The following MME variants were observed in gnomAD, a reference collection of about 807,000 sequenced individuals.
The protein encoded by MME is neprilysin.
In MME, 98 loss-of-function variants were observed where a neutral mutation model predicts 113.2. That is an observed-to-expected ratio of 0.87 (90% CI 0.74 to 1.02). The LOEUF (loss-of-function observed/expected upper bound fraction) is 1.02. MME is among the 50% of genes least tolerant of loss of function. MME has a pLI of 0.00. For synonymous variants in MME, 292 were observed against 300.6 expected, an observed-to-expected ratio of 0.97 and a Z score of 0.30; for missense variants, 836 against 896.0, an observed-to-expected ratio of 0.93 and a Z score of 0.86.
chr3:155,033,557 A>C (rs1414403745), intron 1 of MME, among the ~76,000 whole-genome samples: 1 of 152,194 alleles, frequency 6.6e-6, no homozygotes, highest in Non-Finnish European at 1.5e-5. Flanking sequence ...TGGTTAGATG[A>C]GAATATCAAC....
chr3:155,062,983 C>T (rs1225099969), intron 1 of MME, among the ~76,000 whole-genome samples: 15 of 139,288 alleles, frequency 1.1e-4, no homozygotes, highest in African/African-American at 2.4e-4. Flanking sequence ...TGCAGTGAGC[C>T]GAGATAGTGC....
intron 22 of MME, among the ~76,000 whole-genome samples, chr3:155,178,747 T>C (rs1052892470): frequency 2.0e-5 from 3 of 152,220 alleles, no homozygotes; most frequent in Non-Finnish European, 2.9e-5. Context: ...CTATACTTTG[T>C]CACCTCTAGA....
chr3:155,115,857 C>A (rs151085036), intron 4 of MME, among the ~76,000 whole-genome samples: 16 of 152,316 alleles, frequency 1.1e-4, no homozygotes, highest in African/African-American at 3.8e-4. Flanking sequence ...TTTGCCTTCC[C>A]AGCACAGGTA....
At chr3:155,104,633 A>AAC (rs538591500) in intron 3 of MME, among the ~76,000 whole-genome samples, 200 of 152,338 alleles carry the variant, frequency 1.3e-3, no homozygotes, top group African/African-American at 4.2e-3. Flanking sequence ...GATCCAAAAT[A>AAC]ACACAATGTT....
chr3:155,039,618 G>GT (rs1318054256), intron 1 of MME, among the ~76,000 whole-genome samples: 1 of 152,072 alleles, frequency 6.6e-6, no homozygotes, highest in East Asian at 1.9e-4. Context: ...AATCATAGTA[G>GT]TGTATCAAAG....
At chr3:155,106,049 T>C (rs1441221839) in intron 3 of MME, among the ~76,000 whole-genome samples, 1 of 152,212 alleles carries the variant, frequency 6.6e-6, no homozygotes, top group African/African-American at 2.4e-5. Flanking sequence ...GTCACATGTA[T>C]ATATGAAATA....
chr3:155,061,746 C>G (rs908147991), intron 1 of MME, among the ~76,000 whole-genome samples: 1 of 149,428 alleles, frequency 6.7e-6, no homozygotes, highest in Admixed American at 6.7e-5. Context: ...ACTGCAAACT[C>G]TGCCTCATGG....
chr3:155,116,126 G>A (rs563256179), intron 4 of MME, among the ~76,000 whole-genome samples: 2 of 146,342 alleles, frequency 1.4e-5, no homozygotes, highest in East Asian at 4.0e-4. Flanking sequence ...CTGTGTTATT[G>A]TTTTTTTTTA....
chr3:155,079,410 C>G (rs968092039), upstream of MME, among the ~76,000 whole-genome samples: 2 of 152,014 alleles, frequency 1.3e-5, no homozygotes, highest in South Asian at 2.1e-4. Context: ...CTTGAAAGCC[C>G]CGAAGCTAAG....
At chr3:155,180,337 G>A (rs1457622689) in intron 22 of MME, 23 bp from the exon 23 acceptor site, 1 of 1,587,466 alleles carries the variant, frequency 6.3e-7, no homozygotes, top group South Asian at 1.1e-5. Flanking sequence ...TGCTGACGGT[G>A]ACTTTTTTTG....
At chr3:155,160,489 C>T (rs200328192) in intron 17 of MME, 41 bp downstream of exon 17, 7 of 1,346,832 alleles carry the variant, frequency 5.2e-6, no homozygotes, top group African/African-American at 1.4e-5. Context: ...ATTTCTCTAT[C>T]GTTCCCAACC....
intron 17 of MME, among the ~76,000 whole-genome samples, chr3:155,166,413 C>T (rs2108361764): frequency 6.6e-6 from 1 of 152,148 alleles, no homozygotes; most frequent in East Asian, 1.9e-4. Context: ...AGTGGCAATA[C>T]TTATTTAAGA....
chr3:155,037,080 A>G (rs764042237), intron 1 of MME, among the ~76,000 whole-genome samples: 2 of 152,124 alleles, frequency 1.3e-5, no homozygotes, highest in Admixed American at 1.3e-4. Flanking sequence ...GAAGTCATCT[A>G]TATGTGTGTT....
intron 8 of MME, among the ~76,000 whole-genome samples, chr3:155,131,928 C>A (rs954371214): frequency 6.6e-6 from 1 of 152,122 alleles, no homozygotes; most frequent in Non-Finnish European, 1.5e-5. Context: ...CCTCTGTGTT[C>A]CCCCAGCAAA....
intron 8 of MME, among the ~76,000 whole-genome samples, chr3:155,127,616 A>G (rs900643194): frequency 6.6e-6 from 1 of 152,204 alleles, no homozygotes; most frequent in African/African-American, 2.4e-5. Context: ...TACATATACC[A>G]ATGTCATTTA....
chr3:155,031,327 C>G (rs1712963229), intron 1 of MME, among the ~76,000 whole-genome samples: 1 of 152,076 alleles, frequency 6.6e-6, no homozygotes, highest in South Asian at 2.1e-4. Context: ...TCTGTTCCCT[C>G]TGGTCCAAAT....
chr3:155,085,200 C>A (rs933200271), intron 3 of MME, 106 bp downstream of exon 3: 3 of 705,980 alleles, frequency 4.2e-6, no homozygotes, highest in Non-Finnish European at 7.3e-6. Flanking sequence ...CATTGTAGAT[C>A]AATTATTTAT....
intron 3 of MME, among the ~76,000 whole-genome samples, chr3:155,107,352 CAAA>C (rs199544238): frequency 8.5e-5 from 6 of 70,464 alleles, no homozygotes; most frequent in Admixed American, 1.5e-4. Context: ...GACTCTGTCT[CAAA>C]AAAAAAAAAA....
At chr3:155,042,212 G>T (rs1713343995) in intron 1 of MME, among the ~76,000 whole-genome samples, 1 of 152,070 alleles carries the variant, frequency 6.6e-6, no homozygotes, top group Non-Finnish European at 1.5e-5. Context: ...TGTAGATTCT[G>T]AACAATTGTT....
Sources: gnomAD v4.1 joint callset for allele counts (sites outside exome capture counted in the v4.1 genomes callset) on GRCh38, gnomAD v4.1.1 for gene constraint, MANE v1.5 for transcripts, NCBI Gene and HGNC (gene_info 2026-07-23, HGNC 2026-07-21) for gene names.